The following CTPS1 variants were observed in gnomAD, a reference collection of about 807,000 sequenced individuals.
The protein encoded by CTPS1 is CTP synthetase 1.
A neutral mutation model predicts 80.5 loss-of-function variants in CTPS1; 25 were observed. That is an observed-to-expected ratio of 0.31 (90% CI 0.23 to 0.43). The LOEUF (loss-of-function observed/expected upper bound fraction) is 0.43, where lower values mean the gene tolerates loss of function less well. CTPS1 is among the 20% of genes least tolerant of loss of function. The pLI, the probability that CTPS1 is intolerant of heterozygous loss-of-function variation, is 1.00. For synonymous variants in CTPS1, 267 were observed against 252.5 expected (o/e 1.06, Z -0.54); for missense variants, 442 against 725.7 (o/e 0.61, Z 4.49).
chr1:40,983,619 C>CTTTTTTTTTT (rs56179408), intron 2 of CTPS1, among the ~76,000 whole-genome samples, 163 bp downstream of exon 2: 5 of 140,310 alleles, frequency 3.6e-5, no homozygotes, highest in African/African-American at 5.3e-5. Flanking sequence ...AAGCAGAATT[C>CTTTTTTTTTT]TTTTTTTTTT....
At chr1:41,002,130 A>C in intron 10 of CTPS1, 30 bp from the exon 11 acceptor site, 1 of 1,603,812 alleles carries the variant, frequency 6.2e-7, no homozygotes, top group South Asian at 1.1e-5. Context: ...GAAAAGGGGA[A>C]TTGCCTTTGT....
intron 16 of CTPS1, 134 bp downstream of exon 16, chr1:41,009,024 G>A (rs533638559): frequency 2.7e-6 from 2 of 734,258 alleles, no homozygotes; most frequent in Non-Finnish European, 4.6e-6. Context: ...TGAGGGAAGG[G>A]GTCTTGATAA....
intron 1 of CTPS1, among the ~76,000 whole-genome samples, chr1:40,982,905 C>T (rs765957398): frequency 3.2e-4 from 48 of 152,182 alleles, no homozygotes; most frequent in Non-Finnish European, 5.9e-4. Context: ...TAATGAGGCA[C>T]CTGCCTGGTA....
chr1:40,985,063 C>T lies in CTPS1; in HGVS notation c.337+72C>T. ...ATTTCTTCTCCCTCCCACCTCTACA[C>T]AGATGTGTAATTCCCTTTTGAGTAC... On this transcript the variant is annotated intron_variant, in intron 3 of 18. Coordinates refer to ENST00000650070, the MANE Select transcript of CTPS1 (RefSeq NM_001905.4). 5.7e-6 allele frequency: 6 copies of T among 1,059,352 alleles called. No homozygotes were observed. The South Asian group carries it at 9.0e-5, about 16-fold the overall frequency. The allele number at this position is 1,059,352 out of a possible 1,614,324, so 65.6% of individuals were successfully genotyped here. A position where few individuals can be genotyped will look rare whatever the true frequency, so the allele number is the denominator to read the frequency against.
In CTPS1 at chr1:41,009,609, CAG is replaced by C. The variant is rs761700982; in HGVS notation, c.1691+21_1691+22del. Reference sequence around the variant, plus strand: ...ACCCAGGTAGGCGCACTCTTTGCTTCAGTAATCCATTAGTCTTCTCTAGTCCT... The same window carrying C: ...ACCCAGGTAGGCGCACTCTTTGCTTCTAATCCATTAGTCTTCTCTAGTCCT... On this transcript the variant is annotated intron_variant, in intron 17 of 18. Coordinates refer to ENST00000650070, the MANE Select transcript of CTPS1 (RefSeq NM_001905.4). 1.4e-5 allele frequency: 23 copies of C among 1,613,654 alleles called. No individual in the cohort carries two copies. The highest frequency in any genetic ancestry group is 1.9e-5 in the Non-Finnish European group (23 of 1,179,974).
At chr1:40,988,840 T>C in intron 5 of CTPS1, 130 bp downstream of exon 5, 2 of 653,056 alleles carry the variant, frequency 3.1e-6, no homozygotes, top group Middle Eastern at 3.6e-4. Context: ...TAAAGAACTT[T>C]GTAAGTTTAA....
chr1:41,000,338 G>A (rs908274114), intron 9 of CTPS1, among the ~76,000 whole-genome samples: 3 of 152,058 alleles, frequency 2.0e-5, no homozygotes, highest in African/African-American at 7.2e-5. Context: ...TGCCTTCCAG[G>A]TTCAAGCAGT....
Position 41,009,557 on chromosome 1 carries a change from T to C in CTPS1, c.1659T>C (p.His553=), listed in dbSNP as rs1570985769. 1 of 1,614,124 alleles carries C rather than the reference T, an allele frequency of 6.2e-7. No homozygotes were observed. Among genetic ancestry groups the C allele is most frequent in the African/African-American group, 1.3e-5 (1 of 75,018 alleles). The part of the protein sequence containing the change: ...LLLASVGRLS[H]YLQKGCRLSP... ...TGGCCTCTGTGGGGCGGCTCTCACA[T>C]TACCTCCAGAAAGGCTGCAGGCTCT... Residue 553 remains histidine (H), a synonymous_variant, in exon 17 of 19, where the codon CAT becomes CAC. Transcript: ENST00000650070.
At chr1:40,992,712 A>G (rs924652127) in intron 7 of CTPS1, among the ~76,000 whole-genome samples, 3 of 144,788 alleles carry the variant, frequency 2.1e-5, no homozygotes, top group Non-Finnish European at 4.5e-5. Context: ...TTTAATTGAG[A>G]CAGAGTCTCG....
chr1:41,005,946 A>G, intron 12 of CTPS1, 105 bp from the exon 13 acceptor site: 1 of 899,712 alleles, frequency 1.1e-6, no homozygotes. Flanking sequence ...TGTTCTAATC[A>G]CTGATCTTAA....
At chr1:40,986,398 C>T (rs1359876533) in intron 3 of CTPS1, among the ~76,000 whole-genome samples, 1 of 152,184 alleles carries the variant, frequency 6.6e-6, no homozygotes, top group African/African-American at 2.4e-5. Context: ...GGTCAGAGAG[C>T]GGGGGTGGTA....
intron 1 of CTPS1, among the ~76,000 whole-genome samples, chr1:40,982,941 CAA>C (rs1354389764): frequency 1.3e-5 from 2 of 152,164 alleles, no homozygotes; most frequent in Non-Finnish European, 2.9e-5. Context: ...GTGATGTCAG[CAA>C]ACATTTGGGG....
In CTPS1 at chr1:40,984,904, A is replaced by G. The variant is rs1570940245; in HGVS notation, c.250A>G (p.Lys84Glu). The change falls in exon 3 of 19, where the codon AAG becomes GAG. Residue 84 changes from lysine (K) to glutamate (E), a missense_variant. By Grantham distance (56) the Lys-to-Glu change is moderately conservative (BLOSUM62 1). Transcript: ENST00000650070. ...YERFLDIRLT[K>E]DNNLTTGKIY... The stretch of plus-strand genomic sequence containing the variant: ...GCGGTTCCTTGACATCCGCCTCACC[A>G]AGGACAATAATCTGACCACTGGAAA... 1 of 1,607,100 alleles carries G rather than the reference A, an allele frequency of 6.2e-7. No homozygotes were observed. The highest frequency in any genetic ancestry group is 8.5e-7 in the Non-Finnish European group (1 of 1,175,680).
chr1:41,001,049 G>A lies in CTPS1; in HGVS notation c.1026G>A (p.Leu342=). ...LEIKYIDSAD[L]EPITSQEEPV... ...TCCAGTACATAGATTCTGCGGACTT[G>A]GAGCCCATCACCTCGCAAGAAGAGC... Residue 342 remains leucine (L), a synonymous_variant, in exon 10 of 19, where the codon TTG becomes TTA. Coordinates refer to ENST00000650070, the MANE Select transcript of CTPS1 (RefSeq NM_001905.4). The A allele has an allele frequency of 6.2e-7, 1 of 1,612,092 alleles. No individual in the cohort carries two copies. Among genetic ancestry groups the A allele is most frequent in the South Asian group, 1.1e-5 (1 of 90,764 alleles).
chr1:41,006,177 G>C, intron 13 of CTPS1, 83 bp downstream of exon 13: 1 of 1,165,068 alleles, frequency 8.6e-7, no homozygotes, highest in East Asian at 2.4e-5. Context: ...TTAGAGACAA[G>C]AAGTGAGACT....
In CTPS1 at chr1:40,997,442, C is replaced by T; in HGVS notation, c.921C>T (p.Tyr307=). 6.2e-7 allele frequency: 1 copy of T among 1,614,150 alleles called. No homozygotes were observed. The highest frequency in any genetic ancestry group is 8.5e-7 in the Non-Finnish European group (1 of 1,180,022). Residue 307 remains tyrosine, a synonymous_variant, in exon 9 of 19, where the codon TAC becomes TAT. Coordinates refer to ENST00000650070, the MANE Select transcript of CTPS1 (RefSeq NM_001905.4). ...GCTCTATTGCCCTTGTGGGCAAATA[C>T]ACGAAGTTCTCAGACTCCTATGCCT... is the stretch of plus-strand genomic sequence containing the variant. ...ETCSIALVGK[Y]TKFSDSYASV...
At chr1:40,981,764 T>C (rs1022317990) in intron 1 of CTPS1, among the ~76,000 whole-genome samples, 16 of 151,430 alleles carry the variant, frequency 1.1e-4, no homozygotes, top group African/African-American at 3.9e-4. Flanking sequence ...CCAGGGAGCA[T>C]GCTTTTGGAA....
intron 12 of CTPS1, chr1:41,004,376 T>C (rs1275283461): frequency 6.6e-6 from 1 of 152,262 alleles, no homozygotes; most frequent in Non-Finnish European, 1.5e-5. Flanking sequence ...GTGGCTTAGT[T>C]TGGTAGACAG....
rs778118708 is a variant in CTPS1, at chr1:40,996,023, G to A, written c.827G>A (p.Arg276Lys). ...FLRRLDLPIERQPRKMLMKWK... is the reference protein window; with the variant it reads ...FLRRLDLPIEKQPRKMLMKWK... ...CGAAGACTTGACCTTCCTATTGAGAGGCAGCCAAGAAAAATGCTGATGAAA... is the reference window on the plus strand; with the variant it reads ...CGAAGACTTGACCTTCCTATTGAGAAGCAGCCAAGAAAAATGCTGATGAAA... The change falls in exon 8 of 19, where the codon AGG becomes AAG. Residue 276 changes from arginine (R) to lysine (K), a missense_variant. Arg to Lys is a conservative substitution (Grantham distance 26). Transcript: ENST00000650070. The A allele has an allele frequency of 6.2e-7, 1 of 1,614,152 alleles. No homozygotes were observed. The highest frequency in any genetic ancestry group is 1.6e-4 in the Middle Eastern group (1 of 6,062).
Sources: gnomAD v4.1 joint callset for allele counts (sites outside exome capture counted in the v4.1 genomes callset) on GRCh38, gnomAD v4.1.1 for gene constraint, MANE v1.5 for transcripts, NCBI Gene and HGNC (gene_info 2026-07-23, HGNC 2026-07-21) for gene names.